Variants in PPP2R2B observed in about 807,000 individuals in gnomAD.
The protein encoded by PPP2R2B is serine/threonine-protein phosphatase 2A 55 kDa regulatory subunit B beta isoform.
PPP2R2B carries 5 observed loss-of-function variants against 46.0 expected under a neutral mutation model. The ratio of observed to expected loss-of-function variants is 0.11; its 90% CI spans 0.06 to 0.23. PPP2R2B has a LOEUF of 0.23. Among genes scored for constraint, PPP2R2B ranks in the 10% least tolerant of loss-of-function variants. PPP2R2B has a pLI of 1.00. For synonymous variants in PPP2R2B, 215 were observed against 206.7 expected (o/e 1.04, Z -0.34); for missense variants, 367 against 575.0 (o/e 0.64, Z 3.70).
chr5:147,032,937 C>G, intron 1 of PPP2R2B, among the ~76,000 whole-genome samples: 1 of 152,098 alleles, frequency 6.6e-6, no homozygotes. Flanking sequence ...TTTCCAAACT[C>G]TCCTTATTGT....
At chr5:146,706,967 C>T (rs927296849) in intron 2 of PPP2R2B, 24 of 1,033,524 alleles carry the variant, frequency 2.3e-5, no homozygotes, top group Non-Finnish European at 3.5e-5. Flanking sequence ...ATCGTCAGCC[C>T]TTCCAGGCAA....
intron 2 of PPP2R2B, among the ~76,000 whole-genome samples, chr5:146,874,553 T>C (rs917914419): frequency 1.3e-5 from 2 of 152,310 alleles, no homozygotes; most frequent in Middle Eastern, 6.8e-3. Context: ...TAATTTTTCT[T>C]TGGCATAGGT....
chr5:146,988,319 C>A (rs1753526103), intron 1 of PPP2R2B, among the ~76,000 whole-genome samples: 1 of 151,948 alleles, frequency 6.6e-6, no homozygotes, highest in South Asian at 2.1e-4. Context: ...AATACACATT[C>A]TTTTCAACAG....
At chr5:146,994,384 A>G (rs778235796) in intron 1 of PPP2R2B, among the ~76,000 whole-genome samples, 14 of 151,774 alleles carry the variant, frequency 9.2e-5, no homozygotes, top group Non-Finnish European at 1.6e-4. Context: ...CCAGAAGCCA[A>G]CTCTGAGTCA....
chr5:146,880,179 T>TTGTGTGTGTGTGTG (rs57151657), upstream of PPP2R2B, among the ~76,000 whole-genome samples: 1 of 138,158 alleles, frequency 7.2e-6, no homozygotes, highest in Non-Finnish European at 1.6e-5. Flanking sequence ...CATAGTTATT[T>TTGTGTGTGTGTGTG]TGTGTGTGTG....
intron 2 of PPP2R2B, among the ~76,000 whole-genome samples, chr5:146,804,939 G>T (rs1277595186): frequency 2.0e-5 from 3 of 152,118 alleles, no homozygotes; most frequent in East Asian, 1.9e-4. Flanking sequence ...AATTTAATTT[G>T]AGGGGAATAT....
intron 2 of PPP2R2B, among the ~76,000 whole-genome samples, chr5:146,784,028 G>T (rs879466138): frequency 6.6e-6 from 1 of 152,136 alleles, no homozygotes; most frequent in African/African-American, 2.4e-5. Flanking sequence ...CAGAAGCACC[G>T]AAATAGTGAA....
At chr5:147,060,978 A>G (rs1004202785) in intron 2 of PPP2R2B, among the ~76,000 whole-genome samples, 2 of 152,308 alleles carry the variant, frequency 1.3e-5, no homozygotes, top group Non-Finnish European at 2.9e-5. Flanking sequence ...GACAATTTCC[A>G]TCACACTTCC....
At position 146,878,261 on chromosome 5, in the gene PPP2R2B, T is replaced by A; in HGVS notation, c.-124-66A>T. On this transcript the variant is annotated intron_variant, in intron 1 of 9. Coordinates refer to ENST00000394411, the MANE Select transcript of PPP2R2B (RefSeq NM_181675.4). This position sits in a 1 kb window ranked among gnomAD's most constrained non-coding sequence, Gnocchi z 4.5. ...ACCCGGCAATGGAGCTGTCACCTCC[T>A]CCACTCGGGTTCTGCGAGGCTGCGG... 6.7e-7 allele frequency: 1 copy of A among 1,489,128 alleles called. No homozygotes were observed. Among genetic ancestry groups the A allele is most frequent in the Non-Finnish European group, 8.9e-7 (1 of 1,122,442 alleles). 92.2% of individuals were successfully genotyped at this position (1,489,128 alleles called of 1,614,324 possible).
chr5:146,758,161 C>G (rs1294366540), intron 2 of PPP2R2B, among the ~76,000 whole-genome samples: 1 of 152,166 alleles, frequency 6.6e-6, no homozygotes. Flanking sequence ...TCTGCTTTCT[C>G]TGGAGTTACT....
In PPP2R2B at chr5:146,778,524, AT is replaced by A. The variant is rs1439724979; in HGVS notation, c.71-77383del. Among the ~76,000 whole-genome samples, 4 of 152,070 alleles carry A rather than the reference AT, an allele frequency of 2.6e-5. No homozygotes were observed. In the South Asian group the frequency reaches 8.3e-4, roughly 32 times the overall value. ...CTATTGCCAGTGTTGTCACTTCTTG[AT>A]TTTTTCATCCTAGGGACTGTGTCTT... On this transcript the variant is annotated intron_variant, in intron 2 of 9. Coordinates refer to ENST00000394411, the MANE Select transcript of PPP2R2B (RefSeq NM_181675.4).
chr5:146,841,456 T>C lies in PPP2R2B; in HGVS notation c.70+36546A>G, dbSNP rs187243827. 3.3e-5 allele frequency among the ~76,000 whole-genome samples: 5 copies of C among 152,248 alleles called. No individual in the cohort carries two copies. In the East Asian group the frequency reaches 5.8e-4, roughly 18 times the overall value. ...AAATGCACTATTTGCATTTTCTGAT[T>C]GTGAAAATTCCTCATTCCTACCTCC... On this transcript the variant is annotated intron_variant, in intron 2 of 9. Transcript: ENST00000394411.
intron 2 of PPP2R2B, among the ~76,000 whole-genome samples, chr5:146,850,466 T>C (rs928501223): frequency 2.0e-5 from 3 of 152,168 alleles, no homozygotes; most frequent in African/African-American, 7.2e-5. Flanking sequence ...GTGGCTTCTG[T>C]CTAATGTCCA....
In PPP2R2B at chr5:146,878,351, C is replaced by T. The variant is rs903308606; in HGVS notation, c.-124-156G>A. The T allele has an allele frequency of 2.2e-5, 31 of 1,435,996 alleles. No individual in the cohort carries two copies. The Admixed American group carries it at 2.3e-4, about 11-fold the overall frequency. 89.0% of individuals were successfully genotyped at this position (1,435,996 alleles called of 1,614,324 possible). On this transcript the variant is annotated intron_variant, in intron 1 of 9. Transcript: ENST00000394411. This position sits in a 1 kb window ranked among gnomAD's most constrained non-coding sequence, Gnocchi z 4.5. ...CCCAGCGAGGATGCTGCGCCTGCCT[C>T]CGCTGCCTCCGGGTGCCAAGATACG... is the stretch of plus-strand genomic sequence containing the variant.
chr5:146,910,755 C>T (rs1763149669), intron 1 of PPP2R2B, among the ~76,000 whole-genome samples: 2 of 152,162 alleles, frequency 1.3e-5, no homozygotes, highest in South Asian at 2.1e-4. Flanking sequence ...AAGTTTCTTA[C>T]TTTTTTAAGA....
At chr5:146,708,826 C>T (rs1277038530) in intron 2 of PPP2R2B, among the ~76,000 whole-genome samples, 9 of 152,126 alleles carry the variant, frequency 5.9e-5, no homozygotes, top group African/African-American at 1.9e-4. Context: ...TACACTTTTG[C>T]CAACCTGCAT....
chr5:146,624,796 T>C (rs2151062215), intron 7 of PPP2R2B, among the ~76,000 whole-genome samples: 1 of 152,336 alleles, frequency 6.6e-6, no homozygotes, highest in South Asian at 2.1e-4. Context: ...GACTGCCCTG[T>C]ATGTAGCTCT....
intron 2 of PPP2R2B, among the ~76,000 whole-genome samples, chr5:146,860,454 T>G (rs975294686): frequency 6.6e-6 from 1 of 152,212 alleles, no homozygotes; most frequent in Non-Finnish European, 1.5e-5. Context: ...CACCACACTT[T>G]CTAAAGCAAG....
intron 2 of PPP2R2B, among the ~76,000 whole-genome samples, chr5:146,758,482 GATGAA>G (rs1321152909): frequency 2.0e-5 from 3 of 152,076 alleles, no homozygotes; most frequent in African/African-American, 7.2e-5. Flanking sequence ...GCACTATCAT[GATGAA>G]ATAACAGCAA....
Sources: allele counts gnomAD v4.1 joint callset (sites outside exome capture counted in the v4.1 genomes callset), GRCh38; gene constraint gnomAD v4.1.1; non-coding constraint Gnocchi (gnomAD v3.1); transcripts MANE v1.5; gene names NCBI Gene and HGNC (gene_info 2026-07-23, HGNC 2026-07-21).